The following PHLPP2 variants were observed in gnomAD, a reference collection of about 807,000 sequenced individuals.
PHLPP2 encodes the protein PH domain leucine-rich repeat-containing protein phosphatase 2.
A neutral mutation model predicts 124.9 loss-of-function variants in PHLPP2; 66 were observed. The observed-to-expected ratio is 0.53, with a 90% CI of 0.43 to 0.65. PHLPP2 has a LOEUF of 0.65. Ranked by LOEUF, PHLPP2 falls within the 30% of genes least tolerant of loss-of-function variation. PHLPP2 has a pLI of 0.00. For missense variants in PHLPP2, 1,685 were observed against 1,600.4 expected, an observed-to-expected ratio of 1.05 and a Z score of -0.90; for synonymous variants, 681 against 624.7, an observed-to-expected ratio of 1.09 and a Z score of -1.34.
chr16:71,671,496 C>T (rs1292254546), intron 10 of PHLPP2, among the ~76,000 whole-genome samples: 1 of 151,852 alleles, frequency 6.6e-6, no homozygotes, highest in African/African-American at 2.4e-5. Context: ...CCGCTGAACC[C>T]AGAATGCCCA....
At position 71,655,795 on chromosome 16, in the gene PHLPP2, C is replaced by T. The variant is rs114569651; in HGVS notation, c.2391-361G>A. Among the ~76,000 whole-genome samples the T allele has an allele frequency of 4.7e-3, 708 of 152,138 alleles. 6 individuals are homozygous for T. The highest frequency in any genetic ancestry group is 0.017 in the African/African-American group (686 of 41,542). ...GTGAGCCACCGCGCCTGGCCAGGAG[C>T]ATTCTTTTAAAAAGTAAGTATTAAT... is the stretch of plus-strand genomic sequence containing the variant. On this transcript the variant is annotated intron_variant, in intron 16 of 18. Transcript: ENST00000568954.
At chr16:71,694,963 T>G (rs1368461467) in intron 3 of PHLPP2, among the ~76,000 whole-genome samples, 1 of 151,994 alleles carries the variant, frequency 6.6e-6, no homozygotes, top group African/African-American at 2.4e-5. Flanking sequence ...ATTTTGTATT[T>G]TTTAGTAGAG....
intron 10 of PHLPP2, 143 bp from the exon 11 acceptor site, chr16:71,669,513 T>G (rs1303908416): frequency 1.7e-6 from 1 of 604,812 alleles, no homozygotes; most frequent in Non-Finnish European, 2.9e-6. Flanking sequence ...GAACACTGCC[T>G]GGAATATAGT....
At chr16:71,663,812 A>C in intron 13 of PHLPP2, 87 bp downstream of exon 13, 1 of 991,896 alleles carries the variant, frequency 1.0e-6, no homozygotes, top group Admixed American at 2.0e-5. Flanking sequence ...GTAAACAAAG[A>C]GTCATAGTCA....
rs1032423491 is a variant in PHLPP2 at position 71,694,617 on chromosome 16, T to C, written c.419-3908A>G. On this transcript the variant is annotated intron_variant, in intron 3 of 18. Transcript: ENST00000568954. ...CCAAAAGATATATATTCAGAATACATGCAGAAGTCCTTTAAATCAATATGA... is the reference window on the plus strand; with the variant it reads ...CCAAAAGATATATATTCAGAATACACGCAGAAGTCCTTTAAATCAATATGA... Among the ~76,000 whole-genome samples, 7 of 152,086 alleles carry C rather than the reference T, an allele frequency of 4.6e-5. No homozygotes were observed. The Middle Eastern group carries it at 0.01, about 222-fold the overall frequency.
intron 3 of PHLPP2, among the ~76,000 whole-genome samples, chr16:71,701,304 CTATCTATCTATATA>C (rs1567626542): frequency 1.4e-5 from 1 of 73,386 alleles, no homozygotes; most frequent in African/African-American, 5.0e-5. Flanking sequence ...ATCTATCTAT[CTATCTATCTATATA>C]TCTATCTACC....
At chr16:71,699,696 C>T (rs1359860848) in intron 3 of PHLPP2, among the ~76,000 whole-genome samples, 6 of 152,184 alleles carry the variant, frequency 3.9e-5, no homozygotes, top group Admixed American at 1.3e-4. Flanking sequence ...GGAAAGCAGC[C>T]GCCCTACGCA....
intron 4 of PHLPP2, among the ~76,000 whole-genome samples, chr16:71,687,222 G>C (rs944009618): frequency 1.1e-4 from 17 of 152,068 alleles, no homozygotes; most frequent in Non-Finnish European, 4.4e-5. Context: ...TTTGGTGACA[G>C]GTCTCTTCAA....
chr16:71,682,208 T>C (rs2045006433), intron 5 of PHLPP2, among the ~76,000 whole-genome samples: 1 of 151,324 alleles, frequency 6.6e-6, no homozygotes, highest in Non-Finnish European at 1.5e-5. Context: ...TTTGTTTGTT[T>C]TGTTTTTGGG....
intron 1 of PHLPP2, chr16:71,723,733 CCGCTCGCTCGCT>C: frequency 9.4e-7 from 1 of 1,067,230 alleles, no homozygotes. Flanking sequence ...GCCCGCTCGC[CCGCTCGCTCGCT>C]CGCTGGTCCA....
At chr16:71,722,927 T>G (rs768566873) in intron 1 of PHLPP2, among the ~76,000 whole-genome samples, 1 of 152,220 alleles carries the variant, frequency 6.6e-6, no homozygotes, top group Non-Finnish European at 1.5e-5. Flanking sequence ...TGTGCATTCC[T>G]TCGTAAACTT....
Position 71,649,962 on chromosome 16 carries a change from T to C in PHLPP2, c.2900A>G (p.His967Arg), listed in dbSNP as rs2044684802. 8 of 1,614,066 alleles carry C rather than the reference T, an allele frequency of 5.0e-6. No homozygotes were observed. The highest frequency in any genetic ancestry group is 1.7e-5 in the Admixed American group (1 of 60,014). Residue 967 changes from histidine (H) to arginine (R), a missense_variant, in exon 19 of 19, where the codon CAC (histidine) becomes CGC (arginine). Physicochemically the swap from His to Arg is conservative, Grantham distance 29 (BLOSUM62 0). Coordinates refer to ENST00000568954, the MANE Select transcript of PHLPP2 (RefSeq NM_015020.3). ...YLYPWILPKPHISSTPLTIQD... is the reference protein window; with the variant it reads ...YLYPWILPKPRISSTPLTIQD... ...AATGGTCAGCGGAGTGGAAGATATG[T>C]GGGGCTTGGGGAGGATCCAAGGGTA...
intron 2 of PHLPP2, 112 bp from the exon 3 acceptor site, chr16:71,702,843 T>C: frequency 1.6e-6 from 1 of 643,952 alleles, no homozygotes; most frequent in South Asian, 2.3e-5. Context: ...TGCTATTCTG[T>C]CACATGAATA....
chr16:71,710,871 T>C (rs1335083545), intron 2 of PHLPP2, among the ~76,000 whole-genome samples: 3 of 152,230 alleles, frequency 2.0e-5, no homozygotes, highest in Non-Finnish European at 4.4e-5. Context: ...ATATCCTGCA[T>C]AGTAACTGTC....
chr16:71,702,244 ACT>A (rs1430090630), intron 3 of PHLPP2, among the ~76,000 whole-genome samples: 2 of 152,190 alleles, frequency 1.3e-5, no homozygotes, highest in Non-Finnish European at 2.9e-5. Flanking sequence ...ATGATTACTT[ACT>A]CTCAACATTT....
At chr16:71,651,299 T>A (rs145456155) in intron 18 of PHLPP2, among the ~76,000 whole-genome samples, 1 of 151,338 alleles carries the variant, frequency 6.6e-6, no homozygotes, top group Non-Finnish European at 1.5e-5. Flanking sequence ...GATCACGCCA[T>A]TGCACTCCAG....
chr16:71,675,975 C>G (rs1296030325), intron 9 of PHLPP2, among the ~76,000 whole-genome samples: 1 of 152,108 alleles, frequency 6.6e-6, no homozygotes, highest in Admixed American at 6.5e-5. Context: ...CCCACCTCAG[C>G]CTCCCAAAGT....
intron 3 of PHLPP2, chr16:71,698,430 G>A (rs2045195901): frequency 2.8e-6 from 2 of 722,462 alleles, no homozygotes; most frequent in East Asian, 5.2e-5. Flanking sequence ...GCAGCTTGGT[G>A]CAGATGGACA....
intron 4 of PHLPP2, among the ~76,000 whole-genome samples, chr16:71,690,095 G>T (rs2045094738): frequency 6.6e-6 from 1 of 152,178 alleles, no homozygotes; most frequent in African/African-American, 2.4e-5. Context: ...AGGACAGATG[G>T]AAGAAATGGC....
Sources: gnomAD v4.1 joint callset for allele counts (sites outside exome capture counted in the v4.1 genomes callset) on GRCh38, gnomAD v4.1.1 for gene constraint, MANE v1.5 for transcripts, NCBI Gene and HGNC (gene_info 2026-07-23, HGNC 2026-07-21) for gene names.